ELAVL4: variants seen among roughly 807,000 people sequenced by gnomAD.
ELAVL4 encodes ELAV-like protein 4.
In ELAVL4, 1 loss-of-function variant was observed where a neutral mutation model predicts 35.6. The observed-to-expected ratio is 0.03, with a 90% CI of 0.01 to 0.13. The LOEUF (loss-of-function observed/expected upper bound fraction) is 0.13. ELAVL4 is among the 10% of genes least tolerant of loss of function. The pLI, the probability that ELAVL4 is intolerant of heterozygous loss-of-function variation, is 1.00. For missense variants in ELAVL4, 267 were observed against 464.9 expected, an observed-to-expected ratio of 0.57 and a Z score of 3.91; for synonymous variants, 156 against 171.0, an observed-to-expected ratio of 0.91 and a Z score of 0.69.
At chr1:50,200,050 T>A (rs1644308869) in intron 6 of ELAVL4, among the ~76,000 whole-genome samples, 1 of 152,354 alleles carries the variant, frequency 6.6e-6, no homozygotes, top group South Asian at 2.1e-4. Flanking sequence ...CTTGCTTCAG[T>A]GATACTTAGG....
At chr1:50,118,924 G>A (rs1326766002) in intron 1 of ELAVL4, among the ~76,000 whole-genome samples, 3 of 136,092 alleles carry the variant, frequency 2.2e-5, no homozygotes, top group Non-Finnish European at 3.1e-5. Flanking sequence ...CCATTTTGCA[G>A]GTCCTATGCT....
At chr1:50,125,268 A>G (rs1669710703) in intron 1 of ELAVL4, among the ~76,000 whole-genome samples, 1 of 151,960 alleles carries the variant, frequency 6.6e-6, no homozygotes, top group Admixed American at 6.6e-5. Context: ...AGTAGATATT[A>G]TATATTATGT....
intron 6 of ELAVL4, among the ~76,000 whole-genome samples, chr1:50,198,398 G>A (rs1644189276): frequency 6.6e-6 from 1 of 152,158 alleles, no homozygotes; most frequent in Non-Finnish European, 1.5e-5. Context: ...CTACAGTCAA[G>A]GGAAAGAGAT....
At chr1:50,085,251 G>A (rs527675511) in intron 1 of ELAVL4, among the ~76,000 whole-genome samples, 5 of 152,326 alleles carry the variant, frequency 3.3e-5, no homozygotes, top group Admixed American at 1.3e-4. Flanking sequence ...CTAAAGAGAT[G>A]ATATATAAAG....
intron 1 of ELAVL4, among the ~76,000 whole-genome samples, chr1:50,076,245 A>C (rs1301262925): frequency 6.6e-6 from 1 of 152,180 alleles, no homozygotes; most frequent in Non-Finnish European, 1.5e-5. Context: ...ACCTCTTATC[A>C]GTGGTTTTAC....
At chr1:50,159,076 C>G (rs1676282270) in intron 2 of ELAVL4, among the ~76,000 whole-genome samples, 1 of 150,806 alleles carries the variant, frequency 6.6e-6, no homozygotes, top group Non-Finnish European at 1.5e-5. Flanking sequence ...TACTCTGTGG[C>G]TTGGTCTTAT....
At chr1:50,090,188 TTAAA>T (rs1331581944) in intron 1 of ELAVL4, among the ~76,000 whole-genome samples, 1 of 152,126 alleles carries the variant, frequency 6.6e-6, no homozygotes, top group Non-Finnish European at 1.5e-5. Context: ...TTTCCTCCTG[TTAAA>T]AAGTTAGTGA....
chr1:50,124,216 C>G (rs1253829579), intron 1 of ELAVL4, among the ~76,000 whole-genome samples: 1 of 152,070 alleles, frequency 6.6e-6, no homozygotes, highest in African/African-American at 2.4e-5. Context: ...TTACATTAAA[C>G]TTTTTCCCTG....
chr1:50,089,356 C>A (rs967080823), intron 1 of ELAVL4, among the ~76,000 whole-genome samples: 1 of 152,080 alleles, frequency 6.6e-6, no homozygotes, highest in Non-Finnish European at 1.5e-5. Context: ...TTTTAGATTC[C>A]AGGATGATCT....
intron 2 of ELAVL4, among the ~76,000 whole-genome samples, chr1:50,160,724 C>A (rs1676651666): frequency 6.6e-6 from 1 of 152,170 alleles, no homozygotes; most frequent in Non-Finnish European, 1.5e-5. Context: ...TATCTCATCT[C>A]CTTGAGTGAG....
At chr1:50,103,615 A>G (rs1339447778), upstream of ELAVL4, among the ~76,000 whole-genome samples, 1 of 152,242 alleles carries the variant, frequency 6.6e-6, no homozygotes, top group Non-Finnish European at 1.5e-5. Flanking sequence ...GGATGAAAAT[A>G]AATTGAACCA....
chr1:50,095,811 A>C (rs1257434085), intron 1 of ELAVL4, among the ~76,000 whole-genome samples: 1 of 152,180 alleles, frequency 6.6e-6, no homozygotes, highest in Admixed American at 6.5e-5. Context: ...TTATTCACCA[A>C]ATAAGGTTGT....
In ELAVL4 at chr1:50,145,010, C is replaced by T; in HGVS notation, c.63C>T (p.Ser21=). The T allele has an allele frequency of 6.2e-7, 1 of 1,613,906 alleles. No homozygotes were observed. Among genetic ancestry groups the T allele is most frequent in the Non-Finnish European group, 8.5e-7 (1 of 1,179,936 alleles). Residue 21 remains serine, a synonymous_variant, in exon 2 of 7, where the codon AGC becomes AGT. Coordinates refer to ENST00000371824, the MANE Select transcript of ELAVL4 (RefSeq NM_001144774.3). ...CAAATGGTCCGACATCCAATACAAG[C>T]AATGGACCCTCCAGCAACAACAGAA... The part of the protein sequence containing the change: ...QVSNGPTSNT[S]NGPSSNNRNC...
At chr1:50,141,069 C>T (rs1488479512) in intron 1 of ELAVL4, among the ~76,000 whole-genome samples, 1 of 152,204 alleles carries the variant, frequency 6.6e-6, no homozygotes, top group Non-Finnish European at 1.5e-5. Context: ...CTTGTTACTT[C>T]ACAGGCCTTC....
At chr1:50,109,627 A>G (rs1157425382) in intron 1 of ELAVL4, 1 of 422,702 alleles carries the variant, frequency 2.4e-6, no homozygotes, top group Non-Finnish European at 4.3e-6. Flanking sequence ...CTGGAAATTT[A>G]AACCTCGAGA....
intron 1 of ELAVL4, among the ~76,000 whole-genome samples, chr1:50,090,519 C>T (rs1406783251): frequency 6.6e-6 from 1 of 152,084 alleles, no homozygotes; most frequent in East Asian, 1.9e-4. Flanking sequence ...TAACAAACAA[C>T]CCTGAAATCT....
chr1:50,063,716 A>G (rs1274726228), intron 1 of ELAVL4, among the ~76,000 whole-genome samples: 1 of 152,086 alleles, frequency 6.6e-6, no homozygotes, highest in East Asian at 1.9e-4. Flanking sequence ...CCTTCATGGT[A>G]GTCCCATAGC....
chr1:50,052,301 A>T (rs1231282575), intron 1 of ELAVL4, among the ~76,000 whole-genome samples: 1 of 152,194 alleles, frequency 6.6e-6, no homozygotes, highest in East Asian at 1.9e-4. Context: ...ATGTACCAAC[A>T]CACACACATA....
intron 1 of ELAVL4, chr1:50,114,875 A>T (rs1572227709): frequency 6.6e-6 from 1 of 152,158 alleles, no homozygotes; most frequent in Non-Finnish European, 1.5e-5. Flanking sequence ...TTAAAAAAGA[A>T]CAAAAAAATA....
Sources: allele counts gnomAD v4.1 joint callset (sites outside exome capture counted in the v4.1 genomes callset), GRCh38; gene constraint gnomAD v4.1.1; transcripts MANE v1.5; gene names NCBI Gene and HGNC (gene_info 2026-07-23, HGNC 2026-07-21).